Variants in RALYL observed in about 807,000 individuals in gnomAD.
RALYL encodes the protein RNA-binding Raly-like protein.
Under a neutral mutation model 35.1 loss-of-function variants are expected in RALYL, and 29 were observed. That is an observed-to-expected ratio of 0.83 (90% CI 0.61 to 1.13). The LOEUF is 1.13. Ranked by LOEUF, RALYL falls within the 50% of genes most tolerant of loss-of-function variation. RALYL has a pLI of 0.00. For synonymous variants in RALYL, 120 were observed against 127.6 expected (o/e 0.94, Z 0.40); for missense variants, 359 against 360.4 (o/e 1.00, Z 0.03).
intron 1 of RALYL, among the ~76,000 whole-genome samples, chr8:84,294,212 C>T (rs931491493): frequency 6.6e-6 from 1 of 151,806 alleles, no homozygotes; most frequent in East Asian, 1.9e-4. Context: ...ATAATAAAAT[C>T]GACAATTTAG....
chr8:84,793,872 C>G (rs1049981327), intron 3 of RALYL, among the ~76,000 whole-genome samples: 1 of 152,156 alleles, frequency 6.6e-6, no homozygotes, highest in Non-Finnish European at 1.5e-5. Flanking sequence ...ATTAACCAGC[C>G]AGACCAGTAT....
intron 1 of RALYL, among the ~76,000 whole-genome samples, chr8:84,416,867 C>G (rs2044763615): frequency 6.6e-6 from 1 of 152,122 alleles, no homozygotes; most frequent in African/African-American, 2.4e-5. Context: ...GGAAGGAATT[C>G]TGGTAAATGC....
intron 1 of RALYL, among the ~76,000 whole-genome samples, chr8:84,301,265 G>A (rs1840726025): frequency 6.6e-6 from 1 of 151,836 alleles, no homozygotes; most frequent in Non-Finnish European, 1.5e-5. Context: ...GGCCCAATGG[G>A]GTTCCCTTTG....
intron 2 of RALYL, among the ~76,000 whole-genome samples, chr8:84,730,657 T>C (rs1216593211): frequency 1.5e-5 from 2 of 134,024 alleles, no homozygotes; most frequent in East Asian, 4.0e-4. Flanking sequence ...GCCCAAAAAC[T>C]CTTCACTATA....
intron 2 of RALYL, among the ~76,000 whole-genome samples, chr8:84,675,744 C>T (rs1381552688): frequency 6.6e-6 from 1 of 152,052 alleles, no homozygotes; most frequent in South Asian, 2.1e-4. Context: ...TTCTCCTTGG[C>T]GTTTCACCAT....
chr8:84,899,242 G>A (rs977518653), intron 8 of RALYL, among the ~76,000 whole-genome samples: 2 of 151,850 alleles, frequency 1.3e-5, no homozygotes, highest in African/African-American at 4.8e-5. Flanking sequence ...CATCCATTTG[G>A]ATTTGCTTCT....
At chr8:84,546,750 G>C (rs1159025758) in intron 2 of RALYL, among the ~76,000 whole-genome samples, 1 of 152,104 alleles carries the variant, frequency 6.6e-6, no homozygotes, top group African/African-American at 2.4e-5. Flanking sequence ...GATCTTTAAA[G>C]AATTTGATAG....
chr8:84,903,379 AT>A (rs1845996083), intron 8 of RALYL, among the ~76,000 whole-genome samples: 2 of 152,164 alleles, frequency 1.3e-5, no homozygotes, highest in Admixed American at 6.6e-5. Flanking sequence ...CTGACCACAA[AT>A]TCTAGATCTT....
At chr8:84,779,666 A>G (rs1162433025) in intron 3 of RALYL, among the ~76,000 whole-genome samples, 1 of 152,224 alleles carries the variant, frequency 6.6e-6, no homozygotes. Flanking sequence ...TTTTAAGATC[A>G]TCACAATTGG....
intron 5 of RALYL, among the ~76,000 whole-genome samples, chr8:84,860,327 T>C (rs1189949269): frequency 6.6e-6 from 1 of 152,166 alleles, no homozygotes; most frequent in East Asian, 1.9e-4. Context: ...CCTAGGGAAA[T>C]GGTCCTGCTA....
chr8:84,727,745 T>C (rs1292580090), intron 2 of RALYL, among the ~76,000 whole-genome samples: 3 of 151,742 alleles, frequency 2.0e-5, no homozygotes, highest in East Asian at 1.9e-4. Context: ...GTTCTTGCGA[T>C]AGTTTACTGA....
intron 2 of RALYL, among the ~76,000 whole-genome samples, chr8:84,698,600 T>C (rs1208503901): frequency 6.6e-6 from 1 of 151,972 alleles, no homozygotes; most frequent in Non-Finnish European, 1.5e-5. Flanking sequence ...ATGAATTTTA[T>C]ATAGATAAAA....
At chr8:84,730,438 G>A (rs1432987340) in intron 2 of RALYL, among the ~76,000 whole-genome samples, 2 of 152,048 alleles carry the variant, frequency 1.3e-5, no homozygotes, top group African/African-American at 4.8e-5. Context: ...ATACTGAATG[G>A]GCAAAAACTG....
intron 2 of RALYL, among the ~76,000 whole-genome samples, chr8:84,631,291 G>T: frequency 6.6e-6 from 1 of 151,890 alleles, no homozygotes; most frequent in Non-Finnish European, 1.5e-5. Flanking sequence ...TTCTCTTAAG[G>T]TGACTCCCGC....
At chr8:84,429,783 A>C (rs1307482430) in intron 1 of RALYL, among the ~76,000 whole-genome samples, 1 of 152,062 alleles carries the variant, frequency 6.6e-6, no homozygotes, top group Non-Finnish European at 1.5e-5. Context: ...TCCCATCAGC[A>C]ATTATAAAAG....
At chr8:84,379,617 C>A (rs930737934) in intron 1 of RALYL, among the ~76,000 whole-genome samples, 1 of 151,554 alleles carries the variant, frequency 6.6e-6, no homozygotes, top group Non-Finnish European at 1.5e-5. Context: ...ATAGGGTGGA[C>A]CAAGTTTCTT....
At chr8:84,451,746 A>C (rs915861635) in intron 1 of RALYL, among the ~76,000 whole-genome samples, 1 of 152,044 alleles carries the variant, frequency 6.6e-6, no homozygotes, top group African/African-American at 2.4e-5. Flanking sequence ...TGAATGCTTT[A>C]AAATTAATAA....
At chr8:84,780,602 A>C (rs1447099808) in intron 3 of RALYL, among the ~76,000 whole-genome samples, 1 of 152,178 alleles carries the variant, frequency 6.6e-6, no homozygotes, top group African/African-American at 2.4e-5. Context: ...GTGCTTGTTC[A>C]GTTTGCTTGG....
intron 2 of RALYL, among the ~76,000 whole-genome samples, chr8:84,669,314 G>A (rs1291828547): frequency 6.6e-6 from 1 of 152,056 alleles, no homozygotes; most frequent in South Asian, 2.1e-4. Context: ...GGGCCATTTG[G>A]GAATTACCAT....
Sources: allele counts gnomAD v4.1 joint callset (sites outside exome capture counted in the v4.1 genomes callset), GRCh38; gene constraint gnomAD v4.1.1; transcripts MANE v1.5; gene names NCBI Gene and HGNC (gene_info 2026-07-23, HGNC 2026-07-21).